The following ZNF37A variants were observed in gnomAD, a reference collection of about 807,000 sequenced individuals.
The protein encoded by ZNF37A is zinc finger protein 37a (KOX 21).
Under a neutral mutation model 12.3 loss-of-function variants are expected in ZNF37A, and 10 were observed. The observed-to-expected ratio is 0.82, with a 90% confidence interval of 0.50 to 1.38. The LOEUF (loss-of-function observed/expected upper bound fraction) is 1.38, where lower values mean the gene tolerates loss of function less well. Among genes scored for constraint, ZNF37A ranks in the 40% most tolerant of loss-of-function variants. The pLI is 0.00. For missense variants in ZNF37A, 580 were observed against 651.2 expected, an observed-to-expected ratio of 0.89 and a Z score of 1.19; for synonymous variants, 207 against 223.0, an observed-to-expected ratio of 0.93 and a Z score of 0.64.
chr10:38,129,253 G>T (rs1166261935), downstream of ZNF37A, among the ~76,000 whole-genome samples: 1 of 137,454 alleles, frequency 7.3e-6, no homozygotes, highest in Non-Finnish European at 1.5e-5. Context: ...GAGGCATAGT[G>T]ATCTTAAGAA....
In ZNF37A at chr10:38,118,314, G is replaced by A. The variant is rs1564372485; in HGVS notation, c.1163G>A (p.Cys388Tyr). ...TGEKPYECYA[C>Y]GKAFLRKSDL... ...GAGAAGCCCTATGAATGCTATGCAT[G>A]TGGGAAAGCCTTTCTCAGAAAATCA... Residue 388 changes from cysteine (C) to tyrosine (Y), a missense_variant, in exon 8 of 8, where the codon TGT (cysteine) becomes TAT (tyrosine). Physicochemically the swap from Cys to Tyr is radical, Grantham distance 194. Transcript: ENST00000685332. 1 of 1,613,838 alleles carries A rather than the reference G, an allele frequency of 6.2e-7. No homozygotes were observed. Among genetic ancestry groups the A allele is most frequent in the Non-Finnish European group, 8.5e-7 (1 of 1,180,008 alleles).
At chr10:38,114,987 T>A in intron 6 of ZNF37A, 106 bp downstream of exon 6, 1 of 1,441,968 alleles carries the variant, frequency 6.9e-7, no homozygotes, top group Non-Finnish European at 9.3e-7. Flanking sequence ...AGGTTTGAGA[T>A]TCAGAGGTCA....
At chr10:38,137,476 G>C (rs2070122449) in intron 7 of ZNF37A, 1 of 152,060 alleles carries the variant, frequency 6.6e-6, no homozygotes, top group Non-Finnish European at 1.5e-5. Flanking sequence ...GAATCCCTTG[G>C]TGGCTACTTC....
chr10:38,101,816 T>C (rs2067602109), intron 5 of ZNF37A, among the ~76,000 whole-genome samples: 2 of 136,486 alleles, frequency 1.5e-5, no homozygotes, highest in Non-Finnish European at 3.1e-5. Context: ...TTTTTCCTTT[T>C]ATTTTTCTTT....
chr10:38,096,521 A>G, intron 4 of ZNF37A, 53 bp from the exon 5 acceptor site: 1 of 1,330,022 alleles, frequency 7.5e-7, no homozygotes, highest in East Asian at 2.3e-5. Context: ...CCGGCTGCGA[A>G]GTGGACCTTT....
At chr10:38,110,881 G>A (rs2068589879) in intron 5 of ZNF37A, among the ~76,000 whole-genome samples, 1 of 152,212 alleles carries the variant, frequency 6.6e-6, no homozygotes. Flanking sequence ...TATACTGTTG[G>A]TGGGAGTGTA....
At chr10:38,100,235 C>T (rs754133343) in intron 5 of ZNF37A, among the ~76,000 whole-genome samples, 3 of 152,144 alleles carry the variant, frequency 2.0e-5, no homozygotes, top group Non-Finnish European at 2.9e-5. Flanking sequence ...ATCACAGGAC[C>T]GCAGGACCGG....
intron 5 of ZNF37A, among the ~76,000 whole-genome samples, chr10:38,101,058 G>T (rs2067526353): frequency 6.6e-6 from 1 of 152,120 alleles, no homozygotes; most frequent in Non-Finnish European, 1.5e-5. Flanking sequence ...GTTTTGAGTT[G>T]TAGGGGTTAT....
intron 5 of ZNF37A, among the ~76,000 whole-genome samples, chr10:38,106,031 G>C (rs1308798415): frequency 6.6e-6 from 1 of 152,050 alleles, no homozygotes; most frequent in Non-Finnish European, 1.5e-5. Context: ...TTGAATTGCA[G>C]TGGTGTGAAA....
chr10:38,103,093 AAGGTCTTCAGAC>A, intron 5 of ZNF37A, among the ~76,000 whole-genome samples: 1 of 152,012 alleles, frequency 6.6e-6, no homozygotes, highest in East Asian at 1.9e-4. Flanking sequence ...ATCAATTTGG[AAGGTCTTCAGAC>A]ATTGTTTCTT....
rs2069690677 is a variant in ZNF37A at position 38,121,442 on chromosome 10, C to T, written c.*2605C>T. On this transcript the variant is annotated 3_prime_UTR_variant, in exon 8 of 8. Transcript: ENST00000685332. ...TTCATGTATCTCTCCTGCCTTCCTT[C>T]CCCAGAGTGGAGGAGTTAGACTTGC... The T allele has an allele frequency of 6.6e-6, 1 of 152,306 alleles. No homozygotes were observed. The highest frequency in any genetic ancestry group is 6.6e-5 in the Admixed American group (1 of 15,264). 9.4% of individuals were successfully genotyped at this position (152,306 alleles called of 1,614,324 possible). A position where few individuals can be genotyped will look rare whatever the true frequency, so the allele number is the denominator to read the frequency against.
intron 5 of ZNF37A, among the ~76,000 whole-genome samples, chr10:38,111,252 A>G (rs1393940294): frequency 2.0e-5 from 3 of 151,992 alleles, no homozygotes; most frequent in Non-Finnish European, 2.9e-5. Flanking sequence ...CAAACACTGC[A>G]TGTTCTCACT....
rs969706438 is a variant in ZNF37A, at chr10:38,122,405, A to G, written c.*3568A>G. 3 of 152,214 alleles carry G rather than the reference A, an allele frequency of 2.0e-5. No individual in the cohort carries two copies. The highest frequency in any genetic ancestry group is 7.2e-5 in the African/African-American group (3 of 41,462). The allele number at this position is 152,214 out of a possible 1,614,324, so 9.4% of individuals were successfully genotyped here. A position where few individuals can be genotyped will look rare whatever the true frequency, so the allele number is the denominator to read the frequency against. On this transcript the variant is annotated 3_prime_UTR_variant, in exon 8 of 8. Transcript: ENST00000685332. Reference sequence around the variant, plus strand: ...CAGCTATCCTGAGCAAAAGGAATCAAACTGGAGGAATCATATTACCTGACT... The same window carrying G: ...CAGCTATCCTGAGCAAAAGGAATCAGACTGGAGGAATCATATTACCTGACT...
rs776117642 is a variant in ZNF37A, at chr10:38,096,642, T to A, written c.15+10T>A. The A allele has an allele frequency of 6.2e-7, 1 of 1,612,684 alleles. No homozygotes were observed. Among genetic ancestry groups the A allele is most frequent in the Admixed American group, 1.7e-5 (1 of 59,754 alleles). Reference sequence around the variant, plus strand: ...GATGATCACATCCCAGGTAAGTTGTTTATTTTTTCACCGTTTTGCTTAAAA... The same window carrying A: ...GATGATCACATCCCAGGTAAGTTGTATATTTTTTCACCGTTTTGCTTAAAA... On this transcript the variant is annotated intron_variant, in intron 5 of 7. Coordinates refer to ENST00000685332, the MANE Select transcript of ZNF37A (RefSeq NM_001324250.3).
intron 7 of ZNF37A, among the ~76,000 whole-genome samples, chr10:38,134,017 T>A (rs559044053): frequency 6.6e-6 from 1 of 152,320 alleles, no homozygotes; most frequent in Non-Finnish European, 1.5e-5. Context: ...CTTCTCTTCT[T>A]GCTTCATTTC....
At chr10:38,107,134 C>T (rs1243474810) in intron 5 of ZNF37A, among the ~76,000 whole-genome samples, 1 of 152,124 alleles carries the variant, frequency 6.6e-6, no homozygotes, top group African/African-American at 2.4e-5. Flanking sequence ...AAGGGAAGTC[C>T]ATCAGACCAA....
chr10:38,137,467 A>T (rs1160738879), intron 7 of ZNF37A: 1 of 152,166 alleles, frequency 6.6e-6, no homozygotes, highest in African/African-American at 2.4e-5. Flanking sequence ...ATCCCTTTTG[A>T]ATCCCTTGGT....
At position 38,095,177 on chromosome 10, in the gene ZNF37A, C is replaced by T. The variant is rs374812800; in HGVS notation, c.-245C>T. The T allele has an allele frequency of 2.0e-5, 3 of 152,500 alleles. No homozygotes were observed. Among genetic ancestry groups the T allele is most frequent in the East Asian group, 1.9e-4 (1 of 5,168 alleles). 9.4% of individuals were successfully genotyped at this position (152,500 alleles called of 1,614,324 possible). A position where few individuals can be genotyped will look rare whatever the true frequency, so the allele number is the denominator to read the frequency against. ...TTTCTGTCTTGAATGAGGATTCGAACCAAAGGGCTTAGGCCCAGCTGTCTT... is the reference window on the plus strand; with the variant it reads ...TTTCTGTCTTGAATGAGGATTCGAATCAAAGGGCTTAGGCCCAGCTGTCTT... On this transcript the variant is annotated 5_prime_UTR_variant, in exon 2 of 8. Transcript: ENST00000685332.
intron 5 of ZNF37A, among the ~76,000 whole-genome samples, chr10:38,114,310 T>C (rs1564364204): frequency 6.6e-6 from 1 of 152,240 alleles, no homozygotes; most frequent in Non-Finnish European, 1.5e-5. Context: ...ACTAAAGTTT[T>C]ATCACTTTAG....
Sources: gnomAD v4.1 joint callset for allele counts (sites outside exome capture counted in the v4.1 genomes callset) on GRCh38, gnomAD v4.1.1 for gene constraint, MANE v1.5 for transcripts, NCBI Gene and HGNC (gene_info 2026-07-23, HGNC 2026-07-21) for gene names.